RNF150: variants seen among roughly 807,000 people sequenced by gnomAD.
RNF150 encodes ring finger protein 150.
Under a neutral mutation model 39.3 loss-of-function variants are expected in RNF150, and 24 were observed. That is an observed-to-expected ratio of 0.61 (90% CI 0.44 to 0.86). RNF150 has a LOEUF of 0.86. RNF150 is among the 40% of genes least tolerant of loss of function. The pLI, the probability that RNF150 is intolerant of heterozygous loss-of-function variation, is 0.00. For synonymous variants in RNF150, 255 were observed against 227.3 expected (o/e 1.12, Z -1.10); for missense variants, 502 against 587.8 (o/e 0.85, Z 1.51).
intron 6 of RNF150, among the ~76,000 whole-genome samples, chr4:140,877,244 T>C (rs1205728969): frequency 6.6e-6 from 1 of 152,242 alleles, no homozygotes; most frequent in African/African-American, 2.4e-5. Context: ...GGCAAAGTGA[T>C]TTTTACATTA....
chr4:141,205,876 G>A (rs1371174801), intron 1 of RNF150, among the ~76,000 whole-genome samples: 4 of 152,116 alleles, frequency 2.6e-5, no homozygotes, highest in African/African-American at 7.2e-5. Context: ...TTAGAAGGGA[G>A]GTTGTTCAAT....
At chr4:140,950,019 C>T (rs912518427) in intron 2 of RNF150, among the ~76,000 whole-genome samples, 3 of 152,168 alleles carry the variant, frequency 2.0e-5, no homozygotes, top group Non-Finnish European at 2.9e-5. Context: ...ATCATTCTCT[C>T]CCCATTTTTG....
chr4:141,120,194 A>G (rs1726564760), intron 1 of RNF150, among the ~76,000 whole-genome samples: 1 of 152,242 alleles, frequency 6.6e-6, no homozygotes, highest in Admixed American at 6.5e-5. Flanking sequence ...AAATGAAATT[A>G]TATAGAAATT....
chr4:140,922,673 G>A (rs1578969898), intron 5 of RNF150, among the ~76,000 whole-genome samples: 1 of 151,948 alleles, frequency 6.6e-6, no homozygotes, highest in African/African-American at 2.4e-5. Context: ...TCAATCCTAA[G>A]GCAAAAGAAC....
At chr4:141,107,113 GGAT>G (rs1739237153) in intron 1 of RNF150, among the ~76,000 whole-genome samples, 1 of 151,992 alleles carries the variant, frequency 6.6e-6, no homozygotes, top group Non-Finnish European at 1.5e-5. Context: ...TAGAAATAAA[GGAT>G]GACATCAATT....
At chr4:140,905,697 G>T (rs560978944) in intron 6 of RNF150, among the ~76,000 whole-genome samples, 86 of 141,362 alleles carry the variant, frequency 6.1e-4, no homozygotes, top group Non-Finnish European at 1.2e-3. Context: ...TCCCCAACAA[G>T]ATTTTGAAAT....
At chr4:140,908,166 C>T (rs1372120002) in intron 6 of RNF150, among the ~76,000 whole-genome samples, 1 of 152,146 alleles carries the variant, frequency 6.6e-6, no homozygotes, top group Non-Finnish European at 1.5e-5. Context: ...AAACTTGAAT[C>T]TTTTGACTCA....
intron 1 of RNF150, among the ~76,000 whole-genome samples, chr4:141,078,826 T>C (rs1322671714): frequency 6.9e-5 from 9 of 130,846 alleles, no homozygotes; most frequent in South Asian, 4.8e-4. Flanking sequence ...TATATATATA[T>C]ATATATACAC....
At chr4:141,117,382 G>A (rs1177479833) in intron 1 of RNF150, among the ~76,000 whole-genome samples, 1 of 152,086 alleles carries the variant, frequency 6.6e-6, no homozygotes, top group African/African-American at 2.4e-5. Context: ...ATTCTTCTAT[G>A]TTTAGACATG....
At chr4:140,935,931 C>T (rs1194987438) in intron 4 of RNF150, among the ~76,000 whole-genome samples, 1 of 152,138 alleles carries the variant, frequency 6.6e-6, no homozygotes, top group African/African-American at 2.4e-5. Context: ...CCTCCTGTGC[C>T]CCTTACCAGT....
intron 6 of RNF150, among the ~76,000 whole-genome samples, chr4:140,880,104 T>G (rs72722313): frequency 0.14 from 20,537 of 152,108 alleles, 1,668 homozygotes; most frequent in East Asian, 0.38. Flanking sequence ...TTTCAGTTTT[T>G]CACCATCTAG....
chr4:140,986,572 G>T (rs1440960376), intron 1 of RNF150, among the ~76,000 whole-genome samples: 1 of 151,970 alleles, frequency 6.6e-6, no homozygotes, highest in Non-Finnish European at 1.5e-5. Context: ...TATGTTTATA[G>T]TAATATTTCT....
At chr4:141,123,529 C>G (rs566975917) in intron 1 of RNF150, among the ~76,000 whole-genome samples, 1 of 152,278 alleles carries the variant, frequency 6.6e-6, no homozygotes, top group East Asian at 1.9e-4. Context: ...CATCAAGGCA[C>G]CAAATGTCTA....
At chr4:141,134,047 A>C (rs1339760177), upstream of RNF150, among the ~76,000 whole-genome samples, 1 of 152,218 alleles carries the variant, frequency 6.6e-6, no homozygotes, top group Admixed American at 6.5e-5. Context: ...CTGGAAGCAA[A>C]CATCTAACAT....
At chr4:141,084,306 T>A (rs1397151259) in intron 1 of RNF150, among the ~76,000 whole-genome samples, 1 of 152,180 alleles carries the variant, frequency 6.6e-6, no homozygotes, top group Non-Finnish European at 1.5e-5. Context: ...CTATATATTC[T>A]GAAAGATGAC....
At chr4:141,032,123 T>C (rs1735972653) in intron 1 of RNF150, among the ~76,000 whole-genome samples, 1 of 151,914 alleles carries the variant, frequency 6.6e-6, no homozygotes, top group Admixed American at 6.6e-5. Flanking sequence ...AGAAGGAAAT[T>C]GTGTCATTTG....
At chr4:140,899,346 T>C (rs1036925803) in intron 6 of RNF150, among the ~76,000 whole-genome samples, 12 of 152,350 alleles carry the variant, frequency 7.9e-5, no homozygotes, top group Middle Eastern at 3.4e-3. Context: ...CATATTTAAA[T>C]GTGGGCTCCT....
chr4:141,064,311 A>G (rs1737367429), intron 1 of RNF150, among the ~76,000 whole-genome samples: 1 of 152,198 alleles, frequency 6.6e-6, no homozygotes, highest in South Asian at 2.1e-4. Context: ...TGCCTGGTAT[A>G]TGACAGGCGC....
intron 4 of RNF150, among the ~76,000 whole-genome samples, chr4:140,927,586 C>T (rs917490215): frequency 1.5e-4 from 23 of 152,106 alleles, no homozygotes; most frequent in African/African-American, 5.1e-4. Flanking sequence ...CCAGAAGATG[C>T]CAGCATCATG....
Sources: allele counts gnomAD v4.1 joint callset (sites outside exome capture counted in the v4.1 genomes callset), GRCh38; gene constraint gnomAD v4.1.1; transcripts MANE v1.5; gene names NCBI Gene and HGNC (gene_info 2026-07-23, HGNC 2026-07-21).